The following CLSTN2 variants were observed in gnomAD, a reference collection of about 807,000 sequenced individuals.
CLSTN2 encodes the protein calsyntenin-2.
In CLSTN2, 48 loss-of-function variants were observed where a neutral mutation model predicts 101.2. The ratio of observed to expected loss-of-function variants is 0.47; its 90% CI spans 0.38 to 0.60. The LOEUF (loss-of-function observed/expected upper bound fraction) is 0.60, where lower values mean the gene tolerates loss of function less well. CLSTN2 is among the 20% of genes least tolerant of loss of function. CLSTN2 has a pLI of 0.00. For synonymous variants in CLSTN2, 481 were observed against 463.6 expected (o/e 1.04, Z -0.48); for missense variants, 1,160 against 1,238.2 (o/e 0.94, Z 0.95).
chr3:140,040,652 G>A (rs1192876158), intron 1 of CLSTN2, among the ~76,000 whole-genome samples: 2 of 152,022 alleles, frequency 1.3e-5, no homozygotes, highest in Admixed American at 6.6e-5. Flanking sequence ...TTTCCCATTG[G>A]TGAAAGGAAA....
At chr3:140,277,223 A>G (rs1559826587) in intron 2 of CLSTN2, among the ~76,000 whole-genome samples, 1 of 152,192 alleles carries the variant, frequency 6.6e-6, no homozygotes, top group Non-Finnish European at 1.5e-5. Context: ...TGTATATGCT[A>G]ACCATTTCAT....
intron 5 of CLSTN2, among the ~76,000 whole-genome samples, chr3:140,445,153 G>A (rs1417200391): frequency 6.6e-6 from 1 of 152,184 alleles, no homozygotes; most frequent in Non-Finnish European, 1.5e-5. Flanking sequence ...TTTTATACCT[G>A]ATTTCTCCCT....
At chr3:140,091,830 C>T (rs2008784410) in intron 1 of CLSTN2, among the ~76,000 whole-genome samples, 1 of 152,182 alleles carries the variant, frequency 6.6e-6, no homozygotes, top group Non-Finnish European at 1.5e-5. Flanking sequence ...CCTCTGTGTT[C>T]GCTTTTATTG....
intron 1 of CLSTN2, among the ~76,000 whole-genome samples, chr3:140,057,076 T>A (rs2008111348): frequency 6.6e-6 from 1 of 152,232 alleles, no homozygotes; most frequent in Non-Finnish European, 1.5e-5. Flanking sequence ...CTGGCTGCTC[T>A]TCTCCATAGT....
chr3:140,329,997 T>A (rs911298708), intron 2 of CLSTN2, among the ~76,000 whole-genome samples: 1 of 152,182 alleles, frequency 6.6e-6, no homozygotes, highest in Non-Finnish European at 1.5e-5. Flanking sequence ...GCACCTTTAT[T>A]GTTTAGGGCT....
chr3:140,183,972 A>G (rs1430297628), intron 2 of CLSTN2, among the ~76,000 whole-genome samples: 1 of 152,208 alleles, frequency 6.6e-6, no homozygotes, highest in African/African-American at 2.4e-5. Flanking sequence ...TGAGCATCAA[A>G]CAACAACCAT....
chr3:140,504,637 G>A (rs1559888470), intron 8 of CLSTN2, among the ~76,000 whole-genome samples: 2 of 152,176 alleles, frequency 1.3e-5, no homozygotes, highest in Non-Finnish European at 1.5e-5. Context: ...GTAAACAAGG[G>A]AGGCCATTTA....
chr3:140,004,497 G>A (rs1469607796), intron 1 of CLSTN2, among the ~76,000 whole-genome samples: 2 of 152,170 alleles, frequency 1.3e-5, no homozygotes, highest in African/African-American at 2.4e-5. Flanking sequence ...AGGAGCAGCA[G>A]GGAGGATGAA....
intron 2 of CLSTN2, among the ~76,000 whole-genome samples, chr3:140,204,062 G>C (rs1159655166): frequency 6.6e-6 from 1 of 152,216 alleles, no homozygotes; most frequent in African/African-American, 2.4e-5. Flanking sequence ...TTGGGATACA[G>C]TGTGGCATGT....
intron 2 of CLSTN2, among the ~76,000 whole-genome samples, chr3:140,371,483 G>A (rs1056097475): frequency 2.0e-5 from 3 of 152,170 alleles, no homozygotes; most frequent in African/African-American, 7.2e-5. Flanking sequence ...CCTCAGGGCT[G>A]GCTGGTGGCT....
chr3:140,321,398 C>T (rs574785994), intron 2 of CLSTN2, among the ~76,000 whole-genome samples: 1 of 152,264 alleles, frequency 6.6e-6, no homozygotes, highest in South Asian at 2.1e-4. Context: ...TGTCCCTCAG[C>T]CCCTTGGACC....
At chr3:140,044,593 T>G (rs1454087031) in intron 1 of CLSTN2, among the ~76,000 whole-genome samples, 1 of 152,222 alleles carries the variant, frequency 6.6e-6, no homozygotes, top group Admixed American at 6.5e-5. Flanking sequence ...AGAGAGGGCA[T>G]CCCTGTCTTG....
rs377326061 is a variant in CLSTN2, at chr3:140,112,521, G to A, written c.110-63430G>A. Among the ~76,000 whole-genome samples, 13 of 152,272 alleles carry A rather than the reference G, an allele frequency of 8.5e-5. No homozygotes were observed. In the East Asian group the frequency reaches 9.6e-4, roughly 11 times the overall value. ...GCACGTGGTGCAGATGCAGACAGCC[G>A]TGCACCTGGACATTATACACGATGC... On this transcript the variant is annotated intron_variant, in intron 1 of 16. Coordinates refer to ENST00000458420, the MANE Select transcript of CLSTN2 (RefSeq NM_022131.3).
intron 2 of CLSTN2, among the ~76,000 whole-genome samples, chr3:140,290,294 C>A (rs138836237): frequency 5.3e-4 from 80 of 152,190 alleles, no homozygotes; most frequent in Non-Finnish European, 9.3e-4. Context: ...GGCTGAGGAA[C>A]TGGAAATACA....
At position 140,201,757 on chromosome 3, in the gene CLSTN2, C is replaced by T. The variant is rs910756757; in HGVS notation, c.232+25684C>T. On this transcript the variant is annotated intron_variant, in intron 2 of 16. Transcript: ENST00000458420. The stretch of plus-strand genomic sequence containing the variant: ...TCACAGCTGAGGTAGAAGTGGAACA[C>T]GGACAATAAATAACAGACATAGCAA... Among the ~76,000 whole-genome samples, 46 of 151,866 alleles carry T rather than the reference C, an allele frequency of 3.0e-4. 1 individual carries two copies. Among genetic ancestry groups the T allele is most frequent in the Non-Finnish European group, 4.4e-5 (3 of 68,002 alleles).
At chr3:140,385,705 T>C (rs1427635798) in intron 2 of CLSTN2, among the ~76,000 whole-genome samples, 1 of 152,036 alleles carries the variant, frequency 6.6e-6, no homozygotes, top group Non-Finnish European at 1.5e-5. Context: ...AACCAGCAAT[T>C]TCAGAGCGGG....
chr3:140,528,041 C>A (rs1201948268), intron 8 of CLSTN2, among the ~76,000 whole-genome samples: 1 of 152,148 alleles, frequency 6.6e-6, no homozygotes, highest in Non-Finnish European at 1.5e-5. Flanking sequence ...TAACAATCTG[C>A]ATATGTACCC....
chr3:140,471,809 G>A (rs1002106260), intron 8 of CLSTN2, among the ~76,000 whole-genome samples: 2 of 152,190 alleles, frequency 1.3e-5, no homozygotes, highest in African/African-American at 4.8e-5. Flanking sequence ...TGCACTTCCA[G>A]TTGCTCAGAA....
At chr3:140,170,209 A>G (rs747937476) in intron 1 of CLSTN2, among the ~76,000 whole-genome samples, 1 of 152,218 alleles carries the variant, frequency 6.6e-6, no homozygotes, top group Non-Finnish European at 1.5e-5. Flanking sequence ...CAAAATGATC[A>G]TTTGACCACT....
Sources: allele counts gnomAD v4.1 joint callset (sites outside exome capture counted in the v4.1 genomes callset), GRCh38; gene constraint gnomAD v4.1.1; transcripts MANE v1.5; gene names NCBI Gene and HGNC (gene_info 2026-07-23, HGNC 2026-07-21).